DOCK1: variants seen among roughly 807,000 people sequenced by gnomAD.
DOCK1 encodes the protein dedicator of cytokinesis protein 1.
In DOCK1, 138 loss-of-function variants were observed where a neutral mutation model predicts 262.7. The observed-to-expected ratio is 0.53, with a 90% CI of 0.46 to 0.61. The LOEUF (loss-of-function observed/expected upper bound fraction) is 0.61. Ranked by LOEUF, DOCK1 falls within the 20% of genes least tolerant of loss-of-function variation. The pLI is 0.00. For synonymous variants in DOCK1, 866 were observed against 867.4 expected, an observed-to-expected ratio of 1.00 and a Z score of 0.03; for missense variants, 1,908 against 2,370.7, an observed-to-expected ratio of 0.80 and a Z score of 4.05.
At chr10:127,128,884 T>C (rs1308570544) in intron 27 of DOCK1, among the ~76,000 whole-genome samples, 3 of 152,204 alleles carry the variant, frequency 2.0e-5, no homozygotes, top group Non-Finnish European at 2.9e-5. Context: ...GTTTAAAATA[T>C]TTAGCACATG....
intron 27 of DOCK1, among the ~76,000 whole-genome samples, chr10:127,173,510 T>G (rs2054776274): frequency 6.6e-6 from 1 of 152,184 alleles, no homozygotes; most frequent in African/African-American, 2.4e-5. Flanking sequence ...TGTTCAGCCC[T>G]CTCAGGTTCT....
intron 19 of DOCK1, 96 bp from the exon 20 acceptor site, chr10:127,042,529 T>C: frequency 1.8e-6 from 2 of 1,092,322 alleles, no homozygotes; most frequent in Non-Finnish European, 2.8e-6. Context: ...GGGGGCAAAG[T>C]GGGTATTTGG....
intron 29 of DOCK1, among the ~76,000 whole-genome samples, chr10:127,291,950 G>T (rs189917499): frequency 1.3e-5 from 2 of 152,160 alleles, no homozygotes; most frequent in African/African-American, 2.4e-5. Context: ...ACCCAGGGTC[G>T]CAAGCCAGGT....
chr10:127,353,977 T>C (rs1315677067), intron 31 of DOCK1, among the ~76,000 whole-genome samples: 2 of 129,910 alleles, frequency 1.5e-5, no homozygotes, highest in African/African-American at 6.6e-5. Flanking sequence ...TGTATGATAA[T>C]TTTGCAAATT....
chr10:127,001,168 A>G (rs763883095), intron 10 of DOCK1, among the ~76,000 whole-genome samples: 1 of 152,154 alleles, frequency 6.6e-6, no homozygotes, highest in Non-Finnish European at 1.5e-5. Context: ...TGGGATTCAT[A>G]TGGATATTTA....
intron 31 of DOCK1, among the ~76,000 whole-genome samples, chr10:127,347,013 A>G (rs982077952): frequency 1.3e-5 from 2 of 152,206 alleles, no homozygotes; most frequent in Non-Finnish European, 2.9e-5. Flanking sequence ...GCCACGCGGC[A>G]CACACGTGTG....
At chr10:127,218,046 G>T (rs2058287014) in intron 27 of DOCK1, among the ~76,000 whole-genome samples, 1 of 151,504 alleles carries the variant, frequency 6.6e-6, no homozygotes. Flanking sequence ...ATTCTATTCT[G>T]CTGTTCTAAA....
rs1421935688 is a variant in DOCK1, at chr10:127,106,297, C to G, written c.2512C>G (p.Leu838Val). 20 of 1,595,768 alleles carry G rather than the reference C, an allele frequency of 1.3e-5. No individual in the cohort carries two copies. The highest frequency in any genetic ancestry group is 1.7e-5 in the Non-Finnish European group (20 of 1,170,118). ...GAAATTGGTGTTTGATCCCAAAGAG[C>G]TCAGGTAAGTATGCAGCCCAGGCGA... The part of the protein sequence containing the change: ...DVKLVFDPKE[L>V]SKMFTEFILN... The change falls in exon 24 of 52, where the codon CTC (leucine) becomes GTC (valine). Residue 838 changes from leucine to valine, a missense_variant. Coordinates refer to ENST00000623213, the MANE Select transcript of DOCK1 (RefSeq NM_001290223.2).
At chr10:127,146,943 TC>T (rs1178969231) in intron 27 of DOCK1, among the ~76,000 whole-genome samples, 1 of 152,174 alleles carries the variant, frequency 6.6e-6, no homozygotes, top group East Asian at 1.9e-4. Context: ...TGACCAGCTT[TC>T]TTTTTGCAAT....
chr10:127,110,357 G>T lies in DOCK1; in HGVS notation c.2623+3G>T. On this transcript the variant is annotated splice_donor_region_variant and intron_variant, in intron 25 of 51. Coordinates refer to ENST00000623213, the MANE Select transcript of DOCK1 (RefSeq NM_001290223.2). ...CAGTGACCTCTTCACACAGCATGGT[G>T]AGTGGAACCCCAAGAATTATTCACT... 6.2e-7 allele frequency: 1 copy of T among 1,608,524 alleles called. No individual in the cohort carries two copies. Among genetic ancestry groups the T allele is most frequent in the Non-Finnish European group, 8.5e-7 (1 of 1,176,590 alleles).
intron 1 of DOCK1, among the ~76,000 whole-genome samples, chr10:126,950,437 G>A (rs1318344409): frequency 6.6e-6 from 1 of 152,012 alleles, no homozygotes; most frequent in East Asian, 1.9e-4. Flanking sequence ...TTAGACTGGG[G>A]TTCCATTCAT....
chr10:127,039,529 C>T (rs577594591), intron 19 of DOCK1, among the ~76,000 whole-genome samples: 10 of 152,158 alleles, frequency 6.6e-5, no homozygotes, highest in Non-Finnish European at 1.3e-4. Context: ...TCTTCCTGTG[C>T]GTGCTGGTAC....
At chr10:127,333,115 G>A (rs1434281910) in intron 29 of DOCK1, among the ~76,000 whole-genome samples, 1 of 152,162 alleles carries the variant, frequency 6.6e-6, no homozygotes, top group African/African-American at 2.4e-5. Context: ...CCCATTTTGG[G>A]TAAAACATTG....
intron 27 of DOCK1, chr10:127,137,574 C>A: frequency 2.8e-6 from 1 of 359,252 alleles, no homozygotes; most frequent in Non-Finnish European, 5.0e-6. Context: ...TTTTACTTAT[C>A]ATCTTTGACT....
At chr10:127,140,516 AC>A (rs2051128866) in intron 27 of DOCK1, among the ~76,000 whole-genome samples, 1 of 152,198 alleles carries the variant, frequency 6.6e-6, no homozygotes. Flanking sequence ...ACGCCCGTGC[AC>A]CAGCCAGGCA....
intron 2 of DOCK1, among the ~76,000 whole-genome samples, chr10:126,972,383 G>A (rs1216475165): frequency 6.6e-6 from 1 of 152,160 alleles, no homozygotes; most frequent in Non-Finnish European, 1.5e-5. Context: ...GGGAAGAAAT[G>A]ATGGGCTTGA....
intron 29 of DOCK1, among the ~76,000 whole-genome samples, chr10:127,293,162 A>C (rs1354774685): frequency 6.6e-6 from 1 of 152,166 alleles, no homozygotes; most frequent in Non-Finnish European, 1.5e-5. Flanking sequence ...CTGCTAGCCC[A>C]GGGCCACAAA....
At chr10:127,348,270 C>A (rs1392931645) in intron 31 of DOCK1, among the ~76,000 whole-genome samples, 3 of 152,062 alleles carry the variant, frequency 2.0e-5, no homozygotes. Context: ...GAATTCTAAG[C>A]CTGACCAGCA....
In DOCK1 at chr10:127,110,352, A is replaced by G. The variant is rs140948917; in HGVS notation, c.2621A>G (p.His874Arg). 9.9e-6 allele frequency: 16 copies of G among 1,610,220 alleles called. No homozygotes were observed. In the African/African-American group the frequency reaches 1.9e-4, roughly 19 times the overall value. ...GTCCACAGTGACCTCTTCACACAGC[A>G]TGGTGAGTGGAACCCCAAGAATTAT... ...EIVHSDLFTQ[H>R]DCREILLPMM... The change falls in exon 25 of 52, where the codon CAT becomes CGT. Residue 874 changes from histidine to arginine, a missense_variant and splice_region_variant. His to Arg is a conservative substitution (Grantham distance 29). Transcript: ENST00000623213.
Sources: gnomAD v4.1 joint callset for allele counts (sites outside exome capture counted in the v4.1 genomes callset) on GRCh38, gnomAD v4.1.1 for gene constraint, MANE v1.5 for transcripts, NCBI Gene and HGNC (gene_info 2026-07-23, HGNC 2026-07-21) for gene names.